RIMS1: variants seen among roughly 807,000 people sequenced by gnomAD.
The protein encoded by RIMS1 is regulating synaptic membrane exocytosis protein 1.
A neutral mutation model predicts 214.1 loss-of-function variants in RIMS1; 83 were observed. That is an observed-to-expected ratio of 0.39 (90% confidence interval 0.32 to 0.47). RIMS1 has a LOEUF of 0.47. Ranked by LOEUF, RIMS1 falls within the 20% of genes least tolerant of loss-of-function variation. The probability of loss-of-function intolerance (pLI) is 0.99; values close to 1 mark genes in which losing one functional copy is unlikely to be tolerated. For missense variants in RIMS1, 2,050 were observed against 2,161.8 expected, an observed-to-expected ratio of 0.95 and a Z score of 1.03; for synonymous variants, 793 against 786.8, an observed-to-expected ratio of 1.01 and a Z score of -0.13.
chr6:72,097,096 C>G lies in RIMS1; in HGVS notation c.393C>G (p.Leu131=), dbSNP rs1404897918. 2 of 1,613,904 alleles carry G rather than the reference C, an allele frequency of 1.2e-6. No homozygotes were observed. Among genetic ancestry groups the G allele is most frequent in the Non-Finnish European group, 1.7e-6 (2 of 1,179,886 alleles). The change falls in exon 3 of 34, where the codon CTC becomes CTG. Residue 131 remains leucine, a synonymous_variant. Coordinates refer to ENST00000521978, the MANE Select transcript of RIMS1 (RefSeq NM_014989.7). ...AGTTTGCTGATGGGTGCGGTCATCT[C>G]TGCTCCTATTGTCGCACTAAGTTCT... ...KTKFADGCGH[L]CSYCRTKFCA...
intron 22 of RIMS1, among the ~76,000 whole-genome samples, chr6:72,266,647 C>T (rs924088105): frequency 2.6e-5 from 4 of 152,020 alleles, no homozygotes; most frequent in Admixed American, 2.6e-4. Context: ...TATATATGTA[C>T]ACAGACAATT....
intron 28 of RIMS1, among the ~76,000 whole-genome samples, chr6:72,329,946 G>A (rs1357266480): frequency 6.6e-6 from 1 of 151,712 alleles, no homozygotes; most frequent in East Asian, 1.9e-4. Flanking sequence ...CTGAGTACAA[G>A]GTGCAGGAAA....
intron 26 of RIMS1, among the ~76,000 whole-genome samples, chr6:72,294,952 C>A (rs1463141123): frequency 6.6e-6 from 1 of 151,552 alleles, no homozygotes; most frequent in African/African-American, 2.4e-5. Context: ...CAAAGACTTC[C>A]ACAAAATTTT....
intron 6 of RIMS1, among the ~76,000 whole-genome samples, chr6:72,192,482 G>T (rs910191456): frequency 1.3e-5 from 2 of 152,180 alleles, no homozygotes; most frequent in African/African-American, 4.8e-5. Context: ...TCTGGAAATT[G>T]ATTGAAGGGC....
At position 72,402,678 on chromosome 6, in the gene RIMS1, C is replaced by G. The variant is rs1055270; in HGVS notation, c.*1964C>G. On this transcript the variant is annotated 3_prime_UTR_variant, in exon 34 of 34. Transcript: ENST00000521978. ...GATTCCGTTCTGTCTTAGTGGCCAACAATCAACTGATTATAATTGGGTAGT... is the reference window on the plus strand; with the variant it reads ...GATTCCGTTCTGTCTTAGTGGCCAAGAATCAACTGATTATAATTGGGTAGT... 1 of 152,544 alleles carries G rather than the reference C, an allele frequency of 6.6e-6. No individual in the cohort carries two copies. The highest frequency in any genetic ancestry group is 1.5e-5 in the Non-Finnish European group (1 of 68,014). The allele number at this position is 152,544 out of a possible 1,614,324, so 9.4% of individuals were successfully genotyped here. A position where few individuals can be genotyped will look rare whatever the true frequency, so the allele number is the denominator to read the frequency against.
chr6:72,273,530 A>G (rs954522463), intron 22 of RIMS1, among the ~76,000 whole-genome samples: 5 of 152,146 alleles, frequency 3.3e-5, no homozygotes, highest in African/African-American at 1.2e-4. Context: ...AGGTAGCTTA[A>G]CAAAGGAATG....
intron 4 of RIMS1, among the ~76,000 whole-genome samples, chr6:72,158,956 G>A (rs866235217): frequency 3.6e-5 from 5 of 139,944 alleles, no homozygotes; most frequent in African/African-American, 9.9e-5. Context: ...CTAGTTCTAG[G>A]TCCCTGAGGA....
intron 2 of RIMS1, among the ~76,000 whole-genome samples, chr6:71,973,937 G>T (rs1796522526): frequency 6.6e-6 from 1 of 152,158 alleles, no homozygotes; most frequent in Non-Finnish European, 1.5e-5. Flanking sequence ...ATTGGTCAGT[G>T]TAGATAGAGC....
chr6:72,139,988 G>T (rs570239886), intron 4 of RIMS1, among the ~76,000 whole-genome samples: 1 of 152,222 alleles, frequency 6.6e-6, no homozygotes, highest in South Asian at 2.1e-4. Context: ...TAATTTCTTT[G>T]TATTTAACTT....
intron 26 of RIMS1, among the ~76,000 whole-genome samples, chr6:72,293,386 A>G (rs2093679233): frequency 6.6e-6 from 1 of 151,922 alleles, no homozygotes; most frequent in East Asian, 1.9e-4. Context: ...ACATTTTAAA[A>G]TTATTCATAA....
intron 2 of RIMS1, among the ~76,000 whole-genome samples, chr6:72,062,558 AGTAGTTTATTTGG>A (rs549838390): frequency 4.6e-5 from 7 of 152,342 alleles, no homozygotes; most frequent in African/African-American, 1.4e-4. Context: ...TTCGAGTTCA[AGTAGTTTATTTGG>A]GAGGTAAAGG....
intron 29 of RIMS1, among the ~76,000 whole-genome samples, chr6:72,366,426 T>G (rs1264387840): frequency 6.6e-6 from 1 of 152,242 alleles, no homozygotes; most frequent in Non-Finnish European, 1.5e-5. Flanking sequence ...GGAGAAGCTA[T>G]ATTATATTCA....
intron 2 of RIMS1, among the ~76,000 whole-genome samples, chr6:71,982,522 A>G (rs185700695): frequency 3.3e-5 from 5 of 152,228 alleles, no homozygotes; most frequent in East Asian, 1.9e-4. Context: ...AGTCACACTC[A>G]TGCATCCTTC....
intron 1 of RIMS1, among the ~76,000 whole-genome samples, chr6:71,959,409 A>G (rs1792242628): frequency 6.6e-6 from 1 of 152,120 alleles, no homozygotes; most frequent in Non-Finnish European, 1.5e-5. Context: ...GGGCTCCCAG[A>G]TGAGGGAGGA....
chr6:72,133,169 T>C (rs1421214868), intron 4 of RIMS1, among the ~76,000 whole-genome samples: 8 of 151,800 alleles, frequency 5.3e-5, no homozygotes, highest in Non-Finnish European at 1.0e-4. Context: ...CATTAATTCA[T>C]AAGAGAACTT....
intron 4 of RIMS1, among the ~76,000 whole-genome samples, chr6:72,115,669 T>C (rs2036934088): frequency 6.6e-6 from 1 of 152,008 alleles, no homozygotes; most frequent in Non-Finnish European, 1.5e-5. Context: ...ACTATGTGAA[T>C]TGGATATAGC....
chr6:72,058,470 G>A (rs545288916), intron 2 of RIMS1, among the ~76,000 whole-genome samples: 2 of 152,332 alleles, frequency 1.3e-5, no homozygotes, highest in South Asian at 4.1e-4. Context: ...CTCTGGGGTT[G>A]CACTGCCTGC....
intron 6 of RIMS1, among the ~76,000 whole-genome samples, chr6:72,203,651 A>C (rs2052422653): frequency 6.6e-6 from 1 of 152,232 alleles, no homozygotes; most frequent in Non-Finnish European, 1.5e-5. Flanking sequence ...TCTGAGGAGC[A>C]TTTAAAAATA....
At chr6:72,132,966 G>A (rs1185855599) in intron 4 of RIMS1, among the ~76,000 whole-genome samples, 3 of 151,710 alleles carry the variant, frequency 2.0e-5, no homozygotes, top group Non-Finnish European at 1.5e-5. Context: ...TTTATTAATT[G>A]TCAAGACAAC....
Sources: allele counts gnomAD v4.1 joint callset (sites outside exome capture counted in the v4.1 genomes callset), GRCh38; gene constraint gnomAD v4.1.1; transcripts MANE v1.5; gene names NCBI Gene and HGNC (gene_info 2026-07-23, HGNC 2026-07-21).